The following AHCYL2 variants were observed in gnomAD, a reference collection of about 807,000 sequenced individuals.
AHCYL2 encodes the protein adenosylhomocysteinase like 2, also known as S-adenosylhomocysteine hydrolase-like protein 2.
AHCYL2 carries 28 observed loss-of-function variants against 81.4 expected under a neutral mutation model. That is an observed-to-expected ratio of 0.34 (90% confidence interval 0.25 to 0.47). The LOEUF (loss-of-function observed/expected upper bound fraction) is 0.47, where lower values mean the gene tolerates loss of function less well. AHCYL2 is among the 20% of genes least tolerant of loss of function. The probability of loss-of-function intolerance (pLI) is 1.00; values close to 1 mark genes in which losing one functional copy is unlikely to be tolerated. For synonymous variants in AHCYL2, 272 were observed against 290.2 expected, an observed-to-expected ratio of 0.94 and a Z score of 0.64; for missense variants, 551 against 785.1, an observed-to-expected ratio of 0.70 and a Z score of 3.56.
intron 1 of AHCYL2, among the ~76,000 whole-genome samples, chr7:129,317,931 T>G (rs1797883405): frequency 6.6e-6 from 1 of 152,218 alleles, no homozygotes; most frequent in Non-Finnish European, 1.5e-5. Flanking sequence ...ACAAAAATTT[T>G]CTGGGGTATT....
At chr7:129,312,817 C>T (rs766604975) in intron 1 of AHCYL2, among the ~76,000 whole-genome samples, 1 of 152,114 alleles carries the variant, frequency 6.6e-6, no homozygotes, top group Non-Finnish European at 1.5e-5. Context: ...AGCTCCCTGC[C>T]TCTCACCCCC....
intron 1 of AHCYL2, among the ~76,000 whole-genome samples, chr7:129,347,374 T>C (rs576649383): frequency 1.3e-5 from 2 of 152,338 alleles, no homozygotes; most frequent in East Asian, 1.9e-4. Flanking sequence ...GGGGAAACTA[T>C]GTCTTTGACG....
intron 2 of AHCYL2, among the ~76,000 whole-genome samples, chr7:129,387,366 A>C (rs1795249654): frequency 6.6e-6 from 1 of 152,232 alleles, no homozygotes; most frequent in Non-Finnish European, 1.5e-5. Flanking sequence ...ATAAATTAAC[A>C]ACTCTTTCAA....
chr7:129,350,320 A>G (rs1793511660), intron 1 of AHCYL2, among the ~76,000 whole-genome samples: 1 of 152,154 alleles, frequency 6.6e-6, no homozygotes, highest in Admixed American at 6.5e-5. Flanking sequence ...TAAGGATTAA[A>G]TGAGATAATA....
intron 12 of AHCYL2, 102 bp from the exon 13 acceptor site, chr7:129,422,738 G>C (rs1383099221): frequency 1.3e-5 from 12 of 926,916 alleles, no homozygotes; most frequent in Non-Finnish European, 2.1e-5. Flanking sequence ...CATGTTGGTT[G>C]CTCCTTTCAA....
At chr7:129,378,129 T>C (rs1794777281) in intron 1 of AHCYL2, among the ~76,000 whole-genome samples, 1 of 152,032 alleles carries the variant, frequency 6.6e-6, no homozygotes, top group South Asian at 2.1e-4. Context: ...CTGGCCAACA[T>C]GGTGAAACCC....
Position 129,424,582 on chromosome 7 carries a change from A to G in AHCYL2, c.1561-292A>G, listed in dbSNP as rs568922782. On this transcript the variant is annotated intron_variant, in intron 13 of 16. Coordinates refer to ENST00000325006, the MANE Select transcript of AHCYL2 (RefSeq NM_015328.4). ...TTTTGCTATAGAGAGTGGAAAATTC[A>G]AGAGAAGTACACTGATATTTGGCAT... is the stretch of plus-strand genomic sequence containing the variant. 3.5e-5 allele frequency: 16 copies of G among 456,302 alleles called. No individual in the cohort carries two copies. In the South Asian group the frequency reaches 4.1e-4, roughly 12 times the overall value. 28.3% of individuals were successfully genotyped at this position (456,302 alleles called of 1,614,324 possible). A position where few individuals can be genotyped will look rare whatever the true frequency, so the allele number is the denominator to read the frequency against.
intron 1 of AHCYL2, among the ~76,000 whole-genome samples, chr7:129,230,115 C>T (rs558708711): frequency 2.3e-5 from 3 of 131,878 alleles, no homozygotes; most frequent in East Asian, 2.2e-4. Flanking sequence ...GACCAAGTCT[C>T]GCTCTGTCAC....
intron 4 of AHCYL2, among the ~76,000 whole-genome samples, chr7:129,392,941 T>A (rs1360250440): frequency 1.3e-5 from 2 of 152,370 alleles, no homozygotes; most frequent in South Asian, 4.1e-4. Flanking sequence ...TTTCTGATGC[T>A]TCCTCATTAT....
chr7:129,294,942 A>C (rs1320013863), intron 1 of AHCYL2, among the ~76,000 whole-genome samples: 1 of 152,200 alleles, frequency 6.6e-6, no homozygotes, highest in Non-Finnish European at 1.5e-5. Context: ...GCTGGCTTTG[A>C]AAATGATAAA....
At chr7:129,243,868 C>T (rs945691007) in intron 1 of AHCYL2, among the ~76,000 whole-genome samples, 2 of 152,208 alleles carry the variant, frequency 1.3e-5, no homozygotes, top group Non-Finnish European at 1.5e-5. Context: ...GCTGGGATTA[C>T]AGGCATGAGC....
At chr7:129,378,957 G>A (rs1794819090) in intron 1 of AHCYL2, among the ~76,000 whole-genome samples, 2 of 151,998 alleles carry the variant, frequency 1.3e-5, no homozygotes, top group Admixed American at 1.3e-4. Context: ...GTGGGGAGTG[G>A]GGTGTCACAA....
chr7:129,410,337 T>C, intron 11 of AHCYL2: 1 of 1,614,238 alleles, frequency 6.2e-7, no homozygotes. Flanking sequence ...TCATCAAGCT[T>C]TAGCTCTAGG....
chr7:129,335,683 TC>T (rs1300428075), intron 1 of AHCYL2, among the ~76,000 whole-genome samples: 5 of 152,212 alleles, frequency 3.3e-5, no homozygotes, highest in Non-Finnish European at 5.9e-5. Context: ...ATTTTGGCCA[TC>T]AGTCAGAGTG....
At chr7:129,290,075 G>C (rs535796501) in intron 1 of AHCYL2, among the ~76,000 whole-genome samples, 1 of 151,952 alleles carries the variant, frequency 6.6e-6, no homozygotes, top group African/African-American at 2.4e-5. Flanking sequence ...ATGCCCAGTG[G>C]CATATATATT....
At chr7:129,271,599 A>G (rs1404595857) in intron 1 of AHCYL2, among the ~76,000 whole-genome samples, 1 of 152,176 alleles carries the variant, frequency 6.6e-6, no homozygotes, top group Non-Finnish European at 1.5e-5. Flanking sequence ...ATGTTATTTT[A>G]TTTATATAAA....
chr7:129,318,411 G>C (rs1467648144), intron 1 of AHCYL2, among the ~76,000 whole-genome samples: 2 of 151,996 alleles, frequency 1.3e-5, no homozygotes. Context: ...ACAAAATTTT[G>C]GTAAAAAGCT....
At chr7:129,269,532 C>T (rs1795931717) in intron 1 of AHCYL2, among the ~76,000 whole-genome samples, 1 of 152,096 alleles carries the variant, frequency 6.6e-6, no homozygotes, top group Non-Finnish European at 1.5e-5. Context: ...CGTGATTCAC[C>T]CACCTCAACC....
intron 1 of AHCYL2, among the ~76,000 whole-genome samples, chr7:129,265,917 T>C (rs1278664971): frequency 6.6e-6 from 1 of 152,102 alleles, no homozygotes; most frequent in Admixed American, 6.6e-5. Flanking sequence ...TCTGCATATA[T>C]AGTAGAGCAA....
Sources: allele counts gnomAD v4.1 joint callset (sites outside exome capture counted in the v4.1 genomes callset), GRCh38; gene constraint gnomAD v4.1.1; transcripts MANE v1.5; gene names NCBI Gene and HGNC (gene_info 2026-07-23, HGNC 2026-07-21).